Variants in PAQR4 observed in about 807,000 individuals in gnomAD.
PAQR4 encodes progestin and adipoQ receptor family member IV.
A neutral mutation model predicts 20.9 loss-of-function variants in PAQR4; 26 were observed. The observed-to-expected ratio is 1.24, with a 90% CI of 0.91 to 1.73. PAQR4 has a LOEUF of 1.73. Among genes scored for constraint, PAQR4 ranks in the 40% most tolerant of loss-of-function variants. PAQR4 has a pLI of 0.00. For synonymous variants in PAQR4, 193 were observed against 171.6 expected, an observed-to-expected ratio of 1.12 and a Z score of -0.97; for missense variants, 400 against 380.1, an observed-to-expected ratio of 1.05 and a Z score of -0.44.
At position 2,971,850 on chromosome 16, in the gene PAQR4, A is replaced by C; in HGVS notation, c.724A>C (p.Ile242Leu). 6.2e-7 allele frequency: 1 copy of C among 1,612,420 alleles called. No homozygotes were observed. The highest frequency in any genetic ancestry group is 1.7e-4 in the Middle Eastern group (1 of 6,060). Residue 242 changes from isoleucine to leucine, a missense_variant, in exon 3 of 3, where the codon ATC becomes CTC. Ile to Leu is a conservative substitution (Grantham distance 5). Transcript: ENST00000318782. ...RFDYWGNSHQIMHLLSVGSIL... is the reference protein window; with the variant it reads ...RFDYWGNSHQLMHLLSVGSIL... ...TGACTACTGGGGCAACTCCCACCAG[A>C]TCATGCACCTGCTGAGCGTGGGCTC...
At position 2,972,483 on chromosome 16, in the gene PAQR4, G is replaced by T. The variant is rs190250606; in HGVS notation, c.*535G>T. On this transcript the variant is annotated 3_prime_UTR_variant, in exon 3 of 3. Coordinates refer to ENST00000318782, the MANE Select transcript of PAQR4 (RefSeq NM_152341.5). Reference sequence around the variant, plus strand: ...AAAAGGACCAAGGGGGCGTGGACCCGTCTTGTACCAGCTGGCCACAGGCAC... The same window carrying T: ...AAAAGGACCAAGGGGGCGTGGACCCTTCTTGTACCAGCTGGCCACAGGCAC... The T allele has an allele frequency of 4.8e-6, 4 of 835,108 alleles. No homozygotes were observed. The highest frequency in any genetic ancestry group is 7.3e-6 in the Non-Finnish European group (4 of 547,528). The allele number at this position is 835,108 out of a possible 1,614,324, so 51.7% of individuals were successfully genotyped here. A position where few individuals can be genotyped will look rare whatever the true frequency, so the allele number is the denominator to read the frequency against.
rs1365136906 is a variant in PAQR4 at position 2,969,434 on chromosome 16, C to T, written c.-241C>T. ...TTGGCGGAGCCGACCGCAGTGCGCT[C>T]AGGCGTCCGGTGCGTCCCCAGCCTC... On this transcript the variant is annotated 5_prime_UTR_variant, in exon 1 of 3. Coordinates refer to ENST00000318782, the MANE Select transcript of PAQR4 (RefSeq NM_152341.5). 4.3e-6 allele frequency: 1 copy of T among 234,856 alleles called. No individual in the cohort carries two copies. Among genetic ancestry groups the T allele is most frequent in the Admixed American group, 5.8e-5 (1 of 17,356 alleles). 14.5% of individuals were successfully genotyped at this position (234,856 alleles called of 1,614,324 possible).
rs746292668 is a variant in PAQR4 at position 2,972,541 on chromosome 16, C to T, written c.*593C>T. 4 of 1,394,578 alleles carry T rather than the reference C, an allele frequency of 2.9e-6. No homozygotes were observed. Among genetic ancestry groups the T allele is most frequent in the Non-Finnish European group, 3.8e-6 (4 of 1,039,908 alleles). The allele number at this position is 1,394,578 out of a possible 1,614,324, so 86.4% of individuals were successfully genotyped here. A position where few individuals can be genotyped will look rare whatever the true frequency, so the allele number is the denominator to read the frequency against. On this transcript the variant is annotated 3_prime_UTR_variant, in exon 3 of 3. Coordinates refer to ENST00000318782, the MANE Select transcript of PAQR4 (RefSeq NM_152341.5). ...GCAGCTGCTTCTTCCAGGAAACTGA[C>T]ACAGGGAGCTCAGCGGCCTCAGATC... is the stretch of plus-strand genomic sequence containing the variant.
Position 2,972,669 on chromosome 16 carries a change from C to G in PAQR4, c.*721C>G. On this transcript the variant is annotated 3_prime_UTR_variant, in exon 3 of 3. Coordinates refer to ENST00000318782, the MANE Select transcript of PAQR4 (RefSeq NM_152341.5). ...TGCCTGCTCAGGAAACCTCTTTGCT[C>G]CACACAGCATGGGGCTTCAGCTGCT... 1 of 1,535,812 alleles carries G rather than the reference C, an allele frequency of 6.5e-7. No homozygotes were observed. Among genetic ancestry groups the G allele is most frequent in the South Asian group, 1.2e-5 (1 of 84,056 alleles).
intron 1 of PAQR4, chr16:2,970,226 T>G (rs1296705057): frequency 4.8e-6 from 1 of 206,490 alleles, no homozygotes; most frequent in Non-Finnish European, 9.9e-6. Flanking sequence ...AGCGCCGCCG[T>G]CCTGACGCCC....
chr16:2,970,033 G>C (rs1302987110), intron 1 of PAQR4, 193 bp downstream of exon 1: 1 of 753,042 alleles, frequency 1.3e-6, no homozygotes, highest in African/African-American at 1.9e-5. Flanking sequence ...CCCGGCGGGT[G>C]GGGGCCGGGT....
intron 1 of PAQR4, 157 bp from the exon 2 acceptor site, chr16:2,971,000 C>A (rs1010612499): frequency 1.5e-6 from 1 of 676,790 alleles, no homozygotes; most frequent in South Asian, 1.8e-5. Context: ...GTGCCAAAAG[C>A]CTTTTGCCCA....
rs1421521874 is a variant in PAQR4 at position 2,969,861 on chromosome 16, C to A, written c.166+21C>A. 2.2e-5 allele frequency: 35 copies of A among 1,607,478 alleles called. No homozygotes were observed. The East Asian group carries it at 7.7e-4, about 35-fold the overall frequency. ...GCACGGTGAGCCGCGTCCCGCAACG[C>A]GCTTCCCACACCCCCGGCCGCCCTA... On this transcript the variant is annotated intron_variant, in intron 1 of 2. Coordinates refer to ENST00000318782, the MANE Select transcript of PAQR4 (RefSeq NM_152341.5).
rs150931982 is a variant in PAQR4 at position 2,973,184 on chromosome 16, G to A, written c.*1236G>A. ...GGGGTGGAGGTGCTCCCCACAGTCC[G>A]GGCCAGGACAGCCTCAGGGGAGAGT... On this transcript the variant is annotated 3_prime_UTR_variant, in exon 3 of 3. Coordinates refer to ENST00000318782, the MANE Select transcript of PAQR4 (RefSeq NM_152341.5). 5.3e-4 allele frequency: 805 copies of A among 1,524,460 alleles called. 4 individuals are homozygous for A. In the African/African-American group the frequency reaches 9.4e-3, roughly 18 times the overall value. 94.4% of individuals were successfully genotyped at this position (1,524,460 alleles called of 1,614,324 possible). A position where few individuals can be genotyped will look rare whatever the true frequency, so the allele number is the denominator to read the frequency against.
chr16:2,969,705 G>C lies in PAQR4; in HGVS notation c.31G>C (p.Asp11His). 1 of 1,596,454 alleles carries C rather than the reference G, an allele frequency of 6.3e-7. No homozygotes were observed. Residue 11 changes from aspartate (D) to histidine (H), a missense_variant, in exon 1 of 3, where the codon GAC becomes CAC. By Grantham distance (81) the Asp-to-His change is moderately conservative (BLOSUM62 -1). Transcript: ENST00000318782. MAFLAGPRLL[D>H]WASSPPHLQF... ...GTTCCTGGCCGGGCCGCGCCTGCTG[G>C]ACTGGGCCAGCTCGCCGCCGCACCT...
At position 2,972,038 on chromosome 16, in the gene PAQR4, G is replaced by A. The variant is rs1161754012; in HGVS notation, c.*90G>A. On this transcript the variant is annotated 3_prime_UTR_variant, in exon 3 of 3. Coordinates refer to ENST00000318782, the MANE Select transcript of PAQR4 (RefSeq NM_152341.5). ...TCGTCTGCAAGGGGCTGGCTCCTTG[G>A]ATGCTTCCAGCTCATGAGATGTCTC... 7.9e-7 allele frequency: 1 copy of A among 1,262,788 alleles called. No homozygotes were observed. The allele number at this position is 1,262,788 out of a possible 1,614,324, so 78.2% of individuals were successfully genotyped here.
chr16:2,972,083 C>A lies in PAQR4; in HGVS notation c.*135C>A. 1.1e-6 allele frequency: 1 copy of A among 926,822 alleles called. No individual in the cohort carries two copies. The highest frequency in any genetic ancestry group is 2.7e-5 in the East Asian group (1 of 37,342). The allele number at this position is 926,822 out of a possible 1,614,324, so 57.4% of individuals were successfully genotyped here. A position where few individuals can be genotyped will look rare whatever the true frequency, so the allele number is the denominator to read the frequency against. Reference sequence around the variant, plus strand: ...TGTCTCAGCAGGAGCCCTGTTCACCCGTTCTTCCCTGTGGACTGACCTCTT... The same window carrying A: ...TGTCTCAGCAGGAGCCCTGTTCACCAGTTCTTCCCTGTGGACTGACCTCTT... On this transcript the variant is annotated 3_prime_UTR_variant, in exon 3 of 3. Transcript: ENST00000318782.
rs750472789 is a variant in PAQR4 at position 2,971,880 on chromosome 16, C to T, written c.754C>T (p.Leu252=). 6.2e-7 allele frequency: 1 copy of T among 1,610,926 alleles called. No homozygotes were observed. The highest frequency in any genetic ancestry group is 8.5e-7 in the Non-Finnish European group (1 of 1,179,822). ...IMHLLSVGSI[L]QLHAGVVPDL... ...GCACCTGCTGAGCGTGGGCTCCATCCTGCAGCTGCACGCCGGCGTCGTGCC... is the reference window on the plus strand; with the variant it reads ...GCACCTGCTGAGCGTGGGCTCCATCTTGCAGCTGCACGCCGGCGTCGTGCC... The change falls in exon 3 of 3, where the codon CTG becomes TTG. Residue 252 remains leucine, a synonymous_variant. Transcript: ENST00000318782.
At position 2,972,741 on chromosome 16, in the gene PAQR4, G is replaced by A. The variant is rs1217547287; in HGVS notation, c.*793G>A. 1.3e-6 allele frequency: 2 copies of A among 1,536,976 alleles called. No homozygotes were observed. Among genetic ancestry groups the A allele is most frequent in the Admixed American group, 3.9e-5 (2 of 50,972 alleles). On this transcript the variant is annotated 3_prime_UTR_variant, in exon 3 of 3. Coordinates refer to ENST00000318782, the MANE Select transcript of PAQR4 (RefSeq NM_152341.5). ...GGTTCTGCAGCAGGGCTCAGCCTCA[G>A]GGGCGTTAAGACCCTGGATGACATC...
rs2071978918 is a variant in PAQR4, at chr16:2,971,238, G to A, written c.248G>A (p.Gly83Asp). 6.2e-7 allele frequency: 1 copy of A among 1,613,196 alleles called. No individual in the cohort carries two copies. The highest frequency in any genetic ancestry group is 8.5e-7 in the Non-Finnish European group (1 of 1,180,004). ...CTGGGCAAGGATGGCTGGCTGGGAGGCACACATTGCGTGGCCTGCCTTGCA... is the reference window on the plus strand; with the variant it reads ...CTGGGCAAGGATGGCTGGCTGGGAGACACACATTGCGTGGCCTGCCTTGCA... ...GQLGKDGWLG[G>D]THCVACLAPP... Residue 83 changes from glycine to aspartate, a missense_variant, in exon 2 of 3, where the codon GGC becomes GAC. Physicochemically the swap from Gly to Asp is moderately conservative, Grantham distance 94. Transcript: ENST00000318782.
rs2072064495 is a variant in PAQR4 at position 2,973,328 on chromosome 16, CCA to C, written c.*1383_*1384del. ...TCCCGCCTGACAAACAGGCAGGGAG[CCA>C]CAGTCAGGGACAATAAAAACTTGGT... On this transcript the variant is annotated 3_prime_UTR_variant, in exon 3 of 3. Transcript: ENST00000318782. The C allele has an allele frequency of 1.0e-5, 16 of 1,533,280 alleles. No individual in the cohort carries two copies. The highest frequency in any genetic ancestry group is 7.4e-5 in the East Asian group (3 of 40,748). 95.0% of individuals were successfully genotyped at this position (1,533,280 alleles called of 1,614,324 possible). A position where few individuals can be genotyped will look rare whatever the true frequency, so the allele number is the denominator to read the frequency against.
rs1415075143 is a variant in PAQR4, at chr16:2,972,957, G to A, written c.*1009G>A. 1.9e-6 allele frequency: 3 copies of A among 1,604,246 alleles called. No homozygotes were observed. The highest frequency in any genetic ancestry group is 2.2e-5 in the South Asian group (2 of 89,054). On this transcript the variant is annotated 3_prime_UTR_variant, in exon 3 of 3. Transcript: ENST00000318782. ...TGCAGAGGCAGAGTCTGGGGCTCAG[G>A]TTGGGTCTAGGGTGTCCTCAAACAG...
rs1255729586 is a variant in PAQR4, at chr16:2,972,932, T to G, written c.*984T>G. The G allele has an allele frequency of 5.7e-6, 9 of 1,586,260 alleles. No individual in the cohort carries two copies. On this transcript the variant is annotated 3_prime_UTR_variant, in exon 3 of 3. Coordinates refer to ENST00000318782, the MANE Select transcript of PAQR4 (RefSeq NM_152341.5). Reference sequence around the variant, plus strand: ...GAGACACAGGATAAAAGGTTAAAAGTGCAGAGGCAGAGTCTGGGGCTCAGG... The same window carrying G: ...GAGACACAGGATAAAAGGTTAAAAGGGCAGAGGCAGAGTCTGGGGCTCAGG...
chr16:2,971,173 C>A lies in PAQR4; in HGVS notation c.183C>A (p.Gly61=). The part of the protein sequence containing the change: ...NIYTHGLALL[G]FLVLVPMTMP... ...CCTCCCTAGGGCTGGCCCTGCTGGG[C>A]TTCCTGGTGCTGGTGCCAATGACCA... Residue 61 remains glycine (G), a synonymous_variant, in exon 2 of 3, where the codon GGC becomes GGA. Transcript: ENST00000318782. 6.2e-7 allele frequency: 1 copy of A among 1,613,344 alleles called. No homozygotes were observed. The highest frequency in any genetic ancestry group is 1.1e-5 in the South Asian group (1 of 91,086).
Sources: allele counts gnomAD v4.1 joint callset, GRCh38; gene constraint gnomAD v4.1.1; transcripts MANE v1.5; gene names NCBI Gene and HGNC (gene_info 2026-07-23, HGNC 2026-07-21).